ESRRG: variants seen among roughly 807,000 people sequenced by gnomAD.
ESRRG encodes the protein estrogen-related receptor gamma.
A neutral mutation model predicts 44.0 loss-of-function variants in ESRRG; 13 were observed. The observed-to-expected ratio is 0.30, with a 90% CI of 0.19 to 0.47. The LOEUF (loss-of-function observed/expected upper bound fraction) is 0.47, where lower values mean the gene tolerates loss of function less well. ESRRG is among the 20% of genes least tolerant of loss of function. The pLI, the probability that ESRRG is intolerant of heterozygous loss-of-function variation, is 1.00. For synonymous variants in ESRRG, 215 were observed against 214.6 expected, an observed-to-expected ratio of 1.00 and a Z score of -0.02; for missense variants, 395 against 580.6, an observed-to-expected ratio of 0.68 and a Z score of 3.29.
At chr1:216,826,188 CAAA>C (rs200086765) in intron 2 of ESRRG, among the ~76,000 whole-genome samples, 3 of 142,988 alleles carry the variant, frequency 2.1e-5, no homozygotes, top group South Asian at 2.2e-4. Flanking sequence ...TGTTTAAGGA[CAAA>C]AAAAAAAAAA....
chr1:216,634,775 T>C (rs1362888614), intron 3 of ESRRG, among the ~76,000 whole-genome samples: 3 of 151,988 alleles, frequency 2.0e-5, no homozygotes, highest in Non-Finnish European at 4.4e-5. Flanking sequence ...AATGGGAGGA[T>C]GCGTGTGGGT....
At chr1:216,911,587 T>G (rs984646398) in intron 2 of ESRRG, among the ~76,000 whole-genome samples, 1 of 152,234 alleles carries the variant, frequency 6.6e-6, no homozygotes, top group African/African-American at 2.4e-5. Flanking sequence ...ATTGTAAACT[T>G]TGGATTTGGG....
At chr1:216,959,717 AAG>A (rs1259503669) in intron 1 of ESRRG, 3 of 152,040 alleles carry the variant, frequency 2.0e-5, no homozygotes, top group Non-Finnish European at 4.4e-5. Context: ...ATATTTTTAA[AAG>A]AGTTTTTAAA....
intron 1 of ESRRG, among the ~76,000 whole-genome samples, chr1:217,103,664 AT>A (rs2092552151): frequency 5.4e-5 from 8 of 149,132 alleles, no homozygotes; most frequent in Non-Finnish European, 8.9e-5. Flanking sequence ...CCTCCAAAAA[AT>A]AATTAATTAA....
At chr1:216,588,651 G>T (rs960838031) in intron 3 of ESRRG, among the ~76,000 whole-genome samples, 1 of 152,176 alleles carries the variant, frequency 6.6e-6, no homozygotes, top group South Asian at 2.1e-4. Flanking sequence ...TAGGCTCAGA[G>T]AAGTTAAGCA....
At chr1:216,530,304 G>GTCTATCTA (rs532896655) in intron 5 of ESRRG, among the ~76,000 whole-genome samples, 2,114 of 116,354 alleles carry the variant, frequency 0.018, 51 homozygotes, top group African/African-American at 0.056. Flanking sequence ...ATATATTAAG[G>GTCTATCTA]TCTATCTATC....
chr1:216,974,198 A>G (rs1198644826), intron 1 of ESRRG, among the ~76,000 whole-genome samples: 1 of 152,194 alleles, frequency 6.6e-6, no homozygotes, highest in South Asian at 2.1e-4. Flanking sequence ...AAAGTACTTT[A>G]TTGTATATTT....
chr1:216,531,193 T>G (rs7543237), intron 5 of ESRRG, among the ~76,000 whole-genome samples: 2 of 151,842 alleles, frequency 1.3e-5, no homozygotes, highest in Non-Finnish European at 2.9e-5. Context: ...ATGCTGACCC[T>G]GAAACTCCAC....
At chr1:216,860,405 G>A (rs1181532686) in intron 2 of ESRRG, among the ~76,000 whole-genome samples, 1 of 152,114 alleles carries the variant, frequency 6.6e-6, no homozygotes. Context: ...GTGAAGCTCT[G>A]CAGATCCTCA....
chr1:216,540,853 C>T (rs2052481223), intron 5 of ESRRG, among the ~76,000 whole-genome samples: 1 of 151,954 alleles, frequency 6.6e-6, no homozygotes, highest in Admixed American at 6.6e-5. Flanking sequence ...TTTTTCACTA[C>T]TTAAAATTTT....
At chr1:216,829,021 T>C (rs1472308830) in intron 2 of ESRRG, among the ~76,000 whole-genome samples, 3 of 152,212 alleles carry the variant, frequency 2.0e-5, no homozygotes, top group Non-Finnish European at 4.4e-5. Flanking sequence ...AACACTAGGA[T>C]ACAAGGACAT....
At chr1:216,717,388 A>C (rs1421571226) in intron 1 of ESRRG, among the ~76,000 whole-genome samples, 1 of 151,882 alleles carries the variant, frequency 6.6e-6, no homozygotes, top group Non-Finnish European at 1.5e-5. Context: ...ACAAAGTACA[A>C]GACTAAAAAT....
chr1:217,117,246 T>C (rs919319609), intron 1 of ESRRG, among the ~76,000 whole-genome samples: 1 of 152,168 alleles, frequency 6.6e-6, no homozygotes, highest in Admixed American at 6.5e-5. Flanking sequence ...TATGGAGTTT[T>C]GTATGGATTA....
chr1:216,625,135 C>G (rs1043248436), intron 3 of ESRRG, among the ~76,000 whole-genome samples: 32 of 152,188 alleles, frequency 2.1e-4, no homozygotes, highest in Admixed American at 8.5e-4. Context: ...TCTTTTAGCC[C>G]AATTATGAAC....
At chr1:216,612,629 T>C (rs1412386842) in intron 3 of ESRRG, among the ~76,000 whole-genome samples, 4 of 152,110 alleles carry the variant, frequency 2.6e-5, no homozygotes, top group South Asian at 2.1e-4. Flanking sequence ...AGAATCCATA[T>C]AATCTGCTTT....
chr1:217,010,812 G>T (rs578061011), intron 1 of ESRRG, among the ~76,000 whole-genome samples: 21 of 152,298 alleles, frequency 1.4e-4, no homozygotes, highest in African/African-American at 4.6e-4. Flanking sequence ...TGGGAAACAT[G>T]ATTAAGGTAG....
rs1190569736 is a variant in ESRRG, at chr1:216,622,817, T to C, written c.589+28156A>G. Among the ~76,000 whole-genome samples the C allele has an allele frequency of 2.0e-5, 3 of 152,136 alleles. No individual in the cohort carries two copies. In the South Asian group the frequency reaches 6.2e-4, roughly 32 times the overall value. The stretch of plus-strand genomic sequence containing the variant: ...AATACTCTACATTAATTTGAGCATA[T>C]GAAGCCTGAAAATAAATTACTAGTA... On this transcript the variant is annotated intron_variant, in intron 3 of 6. Transcript: ENST00000408911.
intron 3 of ESRRG, among the ~76,000 whole-genome samples, chr1:216,580,890 G>T (rs148634683): frequency 2.0e-5 from 3 of 152,276 alleles, no homozygotes; most frequent in East Asian, 1.9e-4. Flanking sequence ...TTCCCCTCAC[G>T]CTGACCTTGG....
At chr1:216,741,707 G>A (rs1293631119) in intron 2 of ESRRG, among the ~76,000 whole-genome samples, 1 of 152,134 alleles carries the variant, frequency 6.6e-6, no homozygotes, top group Non-Finnish European at 1.5e-5. Flanking sequence ...ATAAATGAAT[G>A]AATGCAAGCC....
Sources: allele counts gnomAD v4.1 joint callset (sites outside exome capture counted in the v4.1 genomes callset), GRCh38; gene constraint gnomAD v4.1.1; transcripts MANE v1.5; gene names NCBI Gene and HGNC (gene_info 2026-07-23, HGNC 2026-07-21).